The following RELN variants were observed in gnomAD, a reference collection of about 807,000 sequenced individuals.
The protein encoded by RELN is reelin.
A neutral mutation model predicts 427.6 loss-of-function variants in RELN; 108 were observed. The ratio of observed to expected loss-of-function variants is 0.25; its 90% CI spans 0.22 to 0.30. RELN has a LOEUF of 0.30. Ranked by LOEUF, RELN falls within the 10% of genes least tolerant of loss-of-function variation. The pLI, the probability that RELN is intolerant of heterozygous loss-of-function variation, is 1.00. For missense variants in RELN, 3,715 were observed against 4,302.8 expected, an observed-to-expected ratio of 0.86 and a Z score of 3.82; for synonymous variants, 1,524 against 1,513.4, an observed-to-expected ratio of 1.01 and a Z score of -0.16.
Position 103,887,765 on chromosome 7 carries a change from G to A in RELN, c.337+29310C>T, listed in dbSNP as rs886208680. On this transcript the variant is annotated intron_variant, in intron 2 of 64. Transcript: ENST00000428762. ...TCCCCTAATTAAAGTGTTTTGGTGT[G>A]TACATGGGTGTCTTGGTGGAAAGGA... 1.4e-4 allele frequency among the ~76,000 whole-genome samples: 22 copies of A among 152,186 alleles called. 1 individual carries two copies. Among genetic ancestry groups the A allele is most frequent in the Admixed American group, 1.1e-3 (17 of 15,282 alleles).
chr7:103,737,868 G>A (rs1790533608), intron 6 of RELN, among the ~76,000 whole-genome samples: 2 of 152,002 alleles, frequency 1.3e-5, no homozygotes, highest in Admixed American at 6.6e-5. Flanking sequence ...TTCCTTTGTT[G>A]TAAATTGTGG....
rs181991799 is a variant in RELN at position 103,799,751 on chromosome 7, G to A, written c.474-23124C>T. 5.7e-4 allele frequency among the ~76,000 whole-genome samples: 87 copies of A among 152,196 alleles called. No individual in the cohort carries two copies. The East Asian group carries it at 6.6e-3, about 11-fold the overall frequency. On this transcript the variant is annotated intron_variant, in intron 3 of 64. Coordinates refer to ENST00000428762, the MANE Select transcript of RELN (RefSeq NM_005045.4). ...AGTTATAATTAAGCGTTCTATTTGT[G>A]TATAGCAGAGTGGTGAAGAGCATAG...
Position 103,640,624 on chromosome 7 carries a change from A to G in RELN, c.2003-15T>C. 1.2e-6 allele frequency: 2 copies of G among 1,613,286 alleles called. No individual in the cohort carries two copies. The highest frequency in any genetic ancestry group is 2.2e-5 in the East Asian group (1 of 44,750). On this transcript the variant is annotated splice_polypyrimidine_tract_variant and intron_variant, in intron 16 of 64. Coordinates refer to ENST00000428762, the MANE Select transcript of RELN (RefSeq NM_005045.4). The surrounding 1 kb of genome is among the most constrained non-coding windows in gnomAD (Gnocchi z 4.1). ...GCCAATATAAACTGTGGGAGGGAAAAAGAGAACATAATTACAAAAACATAG... is the reference window on the plus strand; with the variant it reads ...GCCAATATAAACTGTGGGAGGGAAAGAGAGAACATAATTACAAAAACATAG...
At chr7:103,822,635 C>CAATTGAAATACTAGAAATA (rs1398617439) in intron 3 of RELN, among the ~76,000 whole-genome samples, 9 of 51,450 alleles carry the variant, frequency 1.7e-4, no homozygotes, top group East Asian at 6.6e-4. Context: ...ATTACTTTGG[C>CAATTGAAATACTAGAAATA]CGGGCGCGGT....
intron 55 of RELN, 39 bp from the exon 56 acceptor site, chr7:103,496,807 A>C (rs775084732): frequency 6.2e-7 from 1 of 1,609,070 alleles, no homozygotes; most frequent in Non-Finnish European, 8.5e-7. Flanking sequence ...ATATATCTAG[A>C]ATCTCCTGCC....
chr7:103,805,590 A>C (rs1327937651), intron 3 of RELN, among the ~76,000 whole-genome samples: 1 of 152,178 alleles, frequency 6.6e-6, no homozygotes, highest in African/African-American at 2.4e-5. Flanking sequence ...TCCTCCAGCC[A>C]ATTTCCTTCT....
chr7:103,871,656 G>A (rs1315749398), intron 2 of RELN, among the ~76,000 whole-genome samples: 1 of 152,106 alleles, frequency 6.6e-6, no homozygotes, highest in Non-Finnish European at 1.5e-5. Context: ...GCTGACAACA[G>A]CAAAGGGTCA....
At chr7:103,551,847 T>C (rs1046958500) in intron 40 of RELN, among the ~76,000 whole-genome samples, 1 of 152,128 alleles carries the variant, frequency 6.6e-6, no homozygotes, top group Non-Finnish European at 1.5e-5. Flanking sequence ...CCATACTGTT[T>C]TGATATGATA....
chr7:103,985,662 A>C (rs1357516351), intron 1 of RELN, among the ~76,000 whole-genome samples: 2 of 152,206 alleles, frequency 1.3e-5, no homozygotes, highest in Non-Finnish European at 2.9e-5. Flanking sequence ...AATTACAATA[A>C]AAAATGTGGG....
At chr7:103,478,479 C>A in intron 63 of RELN, 85 bp from the exon 64 acceptor site, 2 of 712,552 alleles carry the variant, frequency 2.8e-6, no homozygotes, top group South Asian at 2.9e-5. Context: ...TGTGATTAGT[C>A]ATAAAAGTCT....
chr7:103,858,042 A>T (rs924586584), intron 2 of RELN, among the ~76,000 whole-genome samples: 6 of 151,520 alleles, frequency 4.0e-5, no homozygotes, highest in African/African-American at 1.5e-4. Context: ...CTTCTATGTC[A>T]CCAGAAGTTA....
At chr7:103,825,222 A>G (rs75885219) in intron 3 of RELN, among the ~76,000 whole-genome samples, 1,602 of 152,168 alleles carry the variant, frequency 0.011, 29 homozygotes, top group African/African-American at 0.037. Context: ...AGAATCTAAA[A>G]TCTTGTAGCA....
intron 5 of RELN, among the ~76,000 whole-genome samples, chr7:103,751,635 A>G (rs637577): frequency 0.5 from 76,757 of 152,172 alleles, 19,547 homozygotes; most frequent in Non-Finnish European, 0.55. Flanking sequence ...TCTCTCAGAT[A>G]CCCAATCTGG....
intron 51 of RELN, among the ~76,000 whole-genome samples, chr7:103,503,944 G>C (rs997326507): frequency 6.9e-5 from 10 of 145,678 alleles, no homozygotes; most frequent in Non-Finnish European, 1.5e-4. Context: ...CATGGCTCAC[G>C]CCTGTAATCC....
chr7:103,482,751 A>G, intron 63 of RELN, 122 bp downstream of exon 63: 4 of 1,556,540 alleles, frequency 2.6e-6, no homozygotes, highest in Admixed American at 3.8e-5. Flanking sequence ...AGTGTAAGCC[A>G]AAGTGCTCCT....
intron 2 of RELN, among the ~76,000 whole-genome samples, chr7:103,855,717 TGA>T (rs1793929686): frequency 6.6e-6 from 1 of 152,152 alleles, no homozygotes; most frequent in South Asian, 2.1e-4. Flanking sequence ...CTGAAGGTCC[TGA>T]GAGAGGATCT....
intron 64 of RELN, among the ~76,000 whole-genome samples, chr7:103,477,372 A>G (rs775443622): frequency 2.6e-5 from 4 of 152,250 alleles, no homozygotes; most frequent in Non-Finnish European, 5.9e-5. Context: ...TTGAGCTCAT[A>G]GAAATATAGG....
intron 22 of RELN, among the ~76,000 whole-genome samples, chr7:103,609,566 CAG>C (rs1584341377): frequency 6.6e-6 from 1 of 152,088 alleles, no homozygotes; most frequent in East Asian, 1.9e-4. Context: ...CAGTTGGAAA[CAG>C]AAAAATCTGT....
At chr7:103,839,182 T>C (rs1326258942) in intron 2 of RELN, among the ~76,000 whole-genome samples, 2 of 152,096 alleles carry the variant, frequency 1.3e-5, no homozygotes, top group Admixed American at 1.3e-4. Context: ...TTACATAATG[T>C]CTCTGGTAGT....
Sources: gnomAD v4.1 joint callset for allele counts (sites outside exome capture counted in the v4.1 genomes callset) on GRCh38, gnomAD v4.1.1 for gene constraint, Gnocchi (gnomAD v3.1) non-coding constraint, MANE v1.5 for transcripts, NCBI Gene and HGNC (gene_info 2026-07-23, HGNC 2026-07-21) for gene names.